Variants in PRPS2 observed in about 807,000 individuals in gnomAD.
PRPS2 encodes phosphoribosyl pyrophosphate synthetase 2.
For synonymous variants in PRPS2, 111 were observed against 115.3 expected (o/e 0.96, Z 0.24); for missense variants, 104 against 271.5 (o/e 0.38, Z 4.34).
intron 5 of PRPS2, 105 bp downstream of exon 5, chrX:12,819,785 C>T (rs1172304301): frequency 7.9e-5 from 77 of 978,196 alleles, no homozygotes; most frequent in Non-Finnish European, 1.0e-4. Flanking sequence ...CCGGTCTTGG[C>T]AGTGGAGTTT....
chrX:12,805,197 T>C (rs1032746730), intron 2 of PRPS2, among the ~76,000 whole-genome samples: 1 of 112,376 alleles, frequency 8.9e-6, no homozygotes, highest in African/African-American at 3.2e-5. Context: ...TGATGTAATA[T>C]TAATTGTAAA....
At chrX:12,807,655 A>T (rs913201317) in intron 2 of PRPS2, among the ~76,000 whole-genome samples, 3 of 111,325 alleles carry the variant, frequency 2.7e-5, no homozygotes, top group African/African-American at 9.8e-5. Flanking sequence ...CGAAAATTCG[A>T]TTTTATCCCA....
In PRPS2 at chrX:12,822,814, T is replaced by C; in HGVS notation, c.*18T>C. On this transcript the variant is annotated 3_prime_UTR_variant, in exon 7 of 7. Coordinates refer to ENST00000380668, the MANE Select transcript of PRPS2 (RefSeq NM_002765.5). ...CGCTATAAATCCAGAATGGGAAGTGTCCAGCAAGCCTACTCTGACTTCTGA... is the reference window on the plus strand; with the variant it reads ...CGCTATAAATCCAGAATGGGAAGTGCCCAGCAAGCCTACTCTGACTTCTGA... The C allele has an allele frequency of 2.5e-6, 3 of 1,181,144 alleles. No individual in the cohort carries two copies. Among genetic ancestry groups the C allele is most frequent in the Non-Finnish European group, 3.5e-6 (3 of 867,879 alleles).
At chrX:12,822,635 A>C (rs1311538197) in intron 6 of PRPS2, 69 bp from the exon 7 acceptor site, 8 of 986,386 alleles carry the variant, frequency 8.1e-6, no homozygotes, top group Non-Finnish European at 1.2e-5. Flanking sequence ...CCAGCTTTTC[A>C]ATGTTTAAAG....
chrX:12,804,669 A>G (rs755806305), intron 2 of PRPS2, among the ~76,000 whole-genome samples: 6 of 110,902 alleles, frequency 5.4e-5, no homozygotes, highest in Non-Finnish European at 1.1e-4. Context: ...GAGGAGACCA[A>G]GCATGATTGG....
chrX:12,815,692 G>A lies in PRPS2; in HGVS notation c.531-3815G>A, dbSNP rs759361908. 6.3e-5 allele frequency among the ~76,000 whole-genome samples: 7 copies of A among 111,661 alleles called. No homozygotes were observed. The East Asian group carries it at 2.0e-3, about 31-fold the overall frequency. The stretch of plus-strand genomic sequence containing the variant: ...GGAGTCTCGCTCAGTCGCCCAGGCT[G>A]GAGTGCAATGGCGTGATCTTGGCTC... On this transcript the variant is annotated intron_variant, in intron 4 of 6. Transcript: ENST00000380668.
chrX:12,795,332 G>A (rs911515738), intron 1 of PRPS2, among the ~76,000 whole-genome samples: 10 of 111,518 alleles, frequency 9.0e-5, no homozygotes, highest in Middle Eastern at 4.6e-3. Flanking sequence ...TGCCTACCAC[G>A]CCATTCTTAA....
At position 12,820,412 on chromosome X, in the gene PRPS2, G is replaced by A. The variant is rs143974088; in HGVS notation, c.705-232G>A. Reference sequence around the variant, plus strand: ...TCCCATAATGCGTAGGACAGCCCCCGTGACAAAGAATTATCCTGGCTCAAG... The same window carrying A: ...TCCCATAATGCGTAGGACAGCCCCCATGACAAAGAATTATCCTGGCTCAAG... On this transcript the variant is annotated intron_variant, in intron 5 of 6. Transcript: ENST00000380668. Among the ~76,000 whole-genome samples the A allele has an allele frequency of 5.4e-5, 6 of 111,252 alleles. No homozygotes were observed. In the East Asian group the frequency reaches 8.5e-4, roughly 16 times the overall value.
At chrX:12,808,878 C>T (rs1350585807) in intron 2 of PRPS2, among the ~76,000 whole-genome samples, 1 of 111,381 alleles carries the variant, frequency 9.0e-6, no homozygotes, top group Admixed American at 9.5e-5. Flanking sequence ...AAACTTTATG[C>T]CCTTCCTACT....
chrX:12,818,326 C>T (rs2042658672), intron 4 of PRPS2, among the ~76,000 whole-genome samples: 1 of 102,006 alleles, frequency 9.8e-6, no homozygotes, highest in Non-Finnish European at 2.0e-5. Flanking sequence ...CGAGATTGTG[C>T]CATTGCACTC....
intron 1 of PRPS2, among the ~76,000 whole-genome samples, chrX:12,792,317 A>G (rs2042523926): frequency 8.9e-6 from 1 of 112,328 alleles, no homozygotes; most frequent in Admixed American, 9.3e-5. Context: ...TGAGAACCCC[A>G]GGACGCACGT....
At chrX:12,794,567 C>T (rs190158331) in intron 1 of PRPS2, among the ~76,000 whole-genome samples, 19 of 111,716 alleles carry the variant, frequency 1.7e-4, no homozygotes, top group Admixed American at 9.4e-4. Context: ...TTACCATGCC[C>T]GTTTATTGTT....
chrX:12,800,543 G>A (rs1043958004), intron 2 of PRPS2, among the ~76,000 whole-genome samples: 3 of 111,436 alleles, frequency 2.7e-5, no homozygotes, highest in African/African-American at 9.8e-5. Flanking sequence ...GCTGTTGTGT[G>A]TTCCGTATCT....
intron 1 of PRPS2, among the ~76,000 whole-genome samples, chrX:12,794,375 A>C (rs940597756): frequency 4.5e-5 from 5 of 111,799 alleles, no homozygotes; most frequent in African/African-American, 1.6e-4. Context: ...CTAAGAGCAC[A>C]TGTTCCAAAA....
intron 3 of PRPS2, 91 bp from the exon 4 acceptor site, chrX:12,809,931 G>T: frequency 9.5e-7 from 1 of 1,052,304 alleles, no homozygotes. Flanking sequence ...AAATGCAAAT[G>T]TTATTTAATG....
intron 2 of PRPS2, among the ~76,000 whole-genome samples, chrX:12,803,430 G>A (rs2042579341): frequency 8.9e-6 from 1 of 112,535 alleles, no homozygotes; most frequent in South Asian, 3.7e-4. Context: ...TGGGACTACA[G>A]GTGCACACCA....
intron 1 of PRPS2, among the ~76,000 whole-genome samples, chrX:12,797,044 C>T (rs1159359670): frequency 9.1e-6 from 1 of 109,821 alleles, no homozygotes; most frequent in African/African-American, 3.3e-5. Context: ...AATGGTAAAA[C>T]ACTGACATGT....
At chrX:12,808,398 C>T (rs2042605368) in intron 2 of PRPS2, among the ~76,000 whole-genome samples, 1 of 109,868 alleles carries the variant, frequency 9.1e-6, no homozygotes, top group Non-Finnish European at 1.9e-5. Context: ...TATAGAAATA[C>T]TGTTGTTTAC....
At chrX:12,815,529 T>C (rs1046398272) in intron 4 of PRPS2, among the ~76,000 whole-genome samples, 2 of 111,791 alleles carry the variant, frequency 1.8e-5, no homozygotes, top group Admixed American at 1.9e-4. Flanking sequence ...TTGTGCGAGG[T>C]GTTCATGTGT....
Sources: gnomAD v4.1 joint callset for allele counts (sites outside exome capture counted in the v4.1 genomes callset) on GRCh38, gnomAD v4.1.1 for gene constraint, MANE v1.5 for transcripts, NCBI Gene and HGNC (gene_info 2026-07-23, HGNC 2026-07-21) for gene names.